Variants in RAPGEF5 observed in about 807,000 individuals in gnomAD.
The protein encoded by RAPGEF5 is M-Ras-regulated GEF.
RAPGEF5 carries 65 observed loss-of-function variants against 125.2 expected under a neutral mutation model. The ratio of observed to expected loss-of-function variants is 0.52; its 90% CI spans 0.43 to 0.64. The LOEUF is 0.64. RAPGEF5 is among the 30% of genes least tolerant of loss of function. RAPGEF5 has a pLI of 0.00. For synonymous variants in RAPGEF5, 391 were observed against 385.9 expected, an observed-to-expected ratio of 1.01 and a Z score of -0.16; for missense variants, 958 against 1,048.1, an observed-to-expected ratio of 0.91 and a Z score of 1.19.
intron 3 of RAPGEF5, among the ~76,000 whole-genome samples, chr7:22,313,802 C>A (rs1783528073): frequency 6.6e-6 from 1 of 152,190 alleles, no homozygotes; most frequent in South Asian, 2.1e-4. Context: ...AAGGAGAAGT[C>A]AGATGTTTCT....
At chr7:22,129,480 G>A (rs1583386912) in intron 24 of RAPGEF5, among the ~76,000 whole-genome samples, 1 of 152,152 alleles carries the variant, frequency 6.6e-6, no homozygotes, top group Non-Finnish European at 1.5e-5. Flanking sequence ...ATTGACCAAA[G>A]GCTTCATATT....
intron 1 of RAPGEF5, among the ~76,000 whole-genome samples, chr7:22,324,131 G>A (rs142273605): frequency 5.3e-5 from 8 of 152,292 alleles, no homozygotes; most frequent in East Asian, 1.9e-4. Context: ...AAAAATTATC[G>A]CCTATCATGA....
At chr7:22,173,232 T>C (rs979427245) in intron 11 of RAPGEF5, among the ~76,000 whole-genome samples, 8 of 152,222 alleles carry the variant, frequency 5.3e-5, no homozygotes, top group Non-Finnish European at 1.0e-4. Context: ...AATAAAATTT[T>C]TTTCATGTTC....
intron 8 of RAPGEF5, among the ~76,000 whole-genome samples, chr7:22,227,058 T>C (rs1785935930): frequency 6.6e-6 from 1 of 151,642 alleles, no homozygotes; most frequent in Non-Finnish European, 1.5e-5. Context: ...ATTTATATAA[T>C]TGAAAAAGTA....
chr7:22,195,068 T>TG (rs1388184300), intron 9 of RAPGEF5, among the ~76,000 whole-genome samples: 22 of 152,226 alleles, frequency 1.4e-4, no homozygotes, highest in African/African-American at 3.9e-4. Flanking sequence ...ACCTTAAAGA[T>TG]GATGTCACCT....
chr7:22,215,290 T>C (rs1376096768), intron 9 of RAPGEF5, among the ~76,000 whole-genome samples: 2 of 152,218 alleles, frequency 1.3e-5, no homozygotes, highest in Admixed American at 6.5e-5. Flanking sequence ...CATTTTCTAA[T>C]GCTATTCTTC....
At chr7:22,127,593 G>A (rs1350465068) in intron 24 of RAPGEF5, among the ~76,000 whole-genome samples, 1 of 152,178 alleles carries the variant, frequency 6.6e-6, no homozygotes, top group African/African-American at 2.4e-5. Context: ...GTTCTCTTGA[G>A]AATCAACAGT....
chr7:22,346,144 G>A (rs994349046), intron 1 of RAPGEF5, among the ~76,000 whole-genome samples: 2 of 152,138 alleles, frequency 1.3e-5, no homozygotes, highest in Non-Finnish European at 1.5e-5. Context: ...CAAGGAACAA[G>A]AAATAAAACC....
rs554220293 is a variant in RAPGEF5, at chr7:22,267,866, G to GT, written c.748-855dup. 3.1e-3 allele frequency among the ~76,000 whole-genome samples: 451 copies of GT among 146,744 alleles called. 2 individuals carry two copies. Among genetic ancestry groups the GT allele is most frequent in the Middle Eastern group, 0.021 (6 of 280 alleles). On this transcript the variant is annotated intron_variant, in intron 6 of 25. Transcript: ENST00000665637. Reference sequence around the variant, plus strand: ...AGGTGTTTGGAACTGGTGATGATGGGTTTTTTTTTTTCGGCGGGTGGGGGT... The same window carrying GT: ...AGGTGTTTGGAACTGGTGATGATGGGTTTTTTTTTTTTCGGCGGGTGGGGGT...
chr7:22,315,080 C>A (rs1783560074), intron 3 of RAPGEF5, among the ~76,000 whole-genome samples: 2 of 152,192 alleles, frequency 1.3e-5, no homozygotes, highest in Non-Finnish European at 2.9e-5. Flanking sequence ...ACCCCCTCAC[C>A]CGCTGCAAAA....
chr7:22,140,172 TC>T, intron 20 of RAPGEF5, 57 bp from the exon 21 acceptor site: 1 of 1,466,096 alleles, frequency 6.8e-7, no homozygotes, highest in South Asian at 1.2e-5. Flanking sequence ...CCCCAGATAA[TC>T]ACAAAAGATA....
chr7:22,144,107 G>A (rs796749659), intron 20 of RAPGEF5, among the ~76,000 whole-genome samples: 8 of 152,188 alleles, frequency 5.3e-5, no homozygotes, highest in East Asian at 1.9e-4. Context: ...GCTGTCCAAA[G>A]AACAGACCCT....
intron 3 of RAPGEF5, among the ~76,000 whole-genome samples, 177 bp downstream of exon 3, chr7:22,315,193 A>T (rs1327728042): frequency 2.0e-5 from 3 of 152,188 alleles, no homozygotes; most frequent in African/African-American, 7.2e-5. Context: ...GTCAAACTGT[A>T]AACAAATGCA....
intron 14 of RAPGEF5, among the ~76,000 whole-genome samples, chr7:22,159,863 C>T (rs1783927549): frequency 2.0e-5 from 3 of 152,050 alleles, no homozygotes; most frequent in Admixed American, 6.5e-5. Context: ...AATCCCAGCA[C>T]TTTGGGAGGC....
intron 12 of RAPGEF5, among the ~76,000 whole-genome samples, chr7:22,164,086 C>A (rs995878422): frequency 6.6e-6 from 1 of 152,128 alleles, no homozygotes; most frequent in Admixed American, 6.5e-5. Context: ...ATAATCCCAG[C>A]GCTTTGGGAG....
At chr7:22,355,635 C>T (rs28615848) in intron 1 of RAPGEF5, among the ~76,000 whole-genome samples, 43,611 of 152,000 alleles carry the variant, frequency 0.29, 6,425 homozygotes, top group East Asian at 0.36. Flanking sequence ...AGAGAATCCT[C>T]AGAACATCTT....
intron 17 of RAPGEF5, among the ~76,000 whole-genome samples, chr7:22,153,158 T>C (rs1339102276): frequency 1.3e-5 from 2 of 152,192 alleles, no homozygotes; most frequent in Admixed American, 6.5e-5. Flanking sequence ...CTTCCTTCTC[T>C]GGCACCTTCT....
At chr7:22,233,130 A>T (rs746543912) in intron 7 of RAPGEF5, among the ~76,000 whole-genome samples, 2 of 152,214 alleles carry the variant, frequency 1.3e-5, no homozygotes, top group Non-Finnish European at 2.9e-5. Flanking sequence ...AGGGAAAAAT[A>T]AAACATAGAA....
intron 23 of RAPGEF5, among the ~76,000 whole-genome samples, chr7:22,131,810 T>C (rs1583390206): frequency 6.6e-6 from 1 of 152,176 alleles, no homozygotes; most frequent in Admixed American, 6.5e-5. Flanking sequence ...TCATTAAATA[T>C]CTCCTGTTGG....
Sources: allele counts gnomAD v4.1 joint callset (sites outside exome capture counted in the v4.1 genomes callset), GRCh38; gene constraint gnomAD v4.1.1; transcripts MANE v1.5; gene names NCBI Gene and HGNC (gene_info 2026-07-23, HGNC 2026-07-21).